The following FAN1 variants were observed in gnomAD, a reference collection of about 807,000 sequenced individuals.
FAN1 encodes the protein FANCD2 and FANCI associated nuclease 1.
Under a neutral mutation model 104.9 loss-of-function variants are expected in FAN1, and 91 were observed. The ratio of observed to expected loss-of-function variants is 0.87; its 90% CI spans 0.73 to 1.03. The LOEUF is 1.03. Ranked by LOEUF, FAN1 falls within the 50% of genes least tolerant of loss-of-function variation. The pLI is 0.00. For synonymous variants in FAN1, 478 were observed against 457.6 expected, an observed-to-expected ratio of 1.04 and a Z score of -0.57; for missense variants, 1,263 against 1,239.9, an observed-to-expected ratio of 1.02 and a Z score of -0.28.
chr15:30,929,321 C>G lies in FAN1; in HGVS notation c.2711C>G (p.Ala904Gly). Residue 904 changes from alanine to glycine, a missense_variant, in exon 12 of 15, where the codon GCC becomes GGC. By Grantham distance (60) the Ala-to-Gly change is moderately conservative. This residue lies in a region of FAN1 where 581 missense variants were observed against 668.8 expected (regional missense o/e 0.87). Transcript: ENST00000362065. ...GAGAGCCTGCGGGCCTGGGTGGCAGCCACGTGGCATGAGCAGGAAGGCAGA... is the reference window on the plus strand; with the variant it reads ...GAGAGCCTGCGGGCCTGGGTGGCAGGCACGTGGCATGAGCAGGAAGGCAGA... ...PEESLRAWVA[A>G]TWHEQEGRVA... 1 of 1,612,224 alleles carries G rather than the reference C, an allele frequency of 6.2e-7. No homozygotes were observed. The highest frequency in any genetic ancestry group is 8.5e-7 in the Non-Finnish European group (1 of 1,179,264).
intron 2 of FAN1, among the ~76,000 whole-genome samples, 184 bp from the exon 3 acceptor site, chr15:30,907,934 A>G (rs977537381): frequency 7.2e-5 from 11 of 152,238 alleles, no homozygotes; most frequent in Non-Finnish European, 1.6e-4. Flanking sequence ...TGATCTTAGA[A>G]GTTTTAAAAT....
chr15:30,939,080 CG>C, intron 14 of FAN1: 1 of 985,396 alleles, frequency 1.0e-6, no homozygotes, highest in Non-Finnish European at 1.2e-6. Context: ...TTAGTTTTCT[CG>C]GGAAATCAAG....
intron 3 of FAN1, among the ~76,000 whole-genome samples, chr15:30,910,302 C>T (rs1308680523): frequency 6.6e-6 from 1 of 152,142 alleles, no homozygotes; most frequent in Non-Finnish European, 1.5e-5. Flanking sequence ...ACGAGAAAGG[C>T]AGGGAGTATA....
intron 14 of FAN1, chr15:30,939,274 T>C: frequency 1.0e-6 from 1 of 985,476 alleles, no homozygotes; most frequent in Non-Finnish European, 1.2e-6. Flanking sequence ...TTACGTTCAA[T>C]ACTAGAAATT....
intron 10 of FAN1, 133 bp downstream of exon 10, chr15:30,926,072 G>A (rs187073598): frequency 6.0e-5 from 53 of 887,212 alleles, no homozygotes; most frequent in East Asian, 5.7e-4. Context: ...TGGGCTGGGG[G>A]ATGTCTTCCT....
chr15:30,933,039 T>G (rs918038334), intron 13 of FAN1, among the ~76,000 whole-genome samples: 2 of 152,128 alleles, frequency 1.3e-5, no homozygotes, highest in African/African-American at 2.4e-5. Flanking sequence ...TTACTGTATT[T>G]TAATATCTGT....
In FAN1 at chr15:30,908,399, T is replaced by C. The variant is rs148577234; in HGVS notation, c.1375+141T>C. ...TGTTTTTTAATTGAATTTTTAATCT[T>C]AGGACAACAAATTACTCATGTGATG... On this transcript the variant is annotated intron_variant, in intron 3 of 14. Coordinates refer to ENST00000362065, the MANE Select transcript of FAN1 (RefSeq NM_014967.5). 0.011 allele frequency: 7,376 copies of C among 642,084 alleles called. 58 individuals are homozygous for C. The highest frequency in any genetic ancestry group is 0.017 in the Middle Eastern group (67 of 3,940). 39.8% of individuals were successfully genotyped at this position (642,084 alleles called of 1,614,324 possible).
chr15:30,929,889 CAT>C lies in FAN1; in HGVS notation c.2787+498_2787+499del, dbSNP rs532314508. On this transcript the variant is annotated intron_variant, in intron 12 of 14. Transcript: ENST00000362065. ...TATATATAAAATATATAATATATAT[CAT>C]ATATAATATATAAAATATATAATAT... Among the ~76,000 whole-genome samples the C allele has an allele frequency of 6.2e-4, 43 of 68,824 alleles. 4 individuals are homozygous for C. The highest frequency in any genetic ancestry group is 0.015 in the Middle Eastern group (2 of 132). 45.2% of individuals were successfully genotyped at this position (68,824 alleles called of 152,430 possible).
intron 5 of FAN1, among the ~76,000 whole-genome samples, chr15:30,915,785 T>A (rs1044528944): frequency 5.3e-5 from 8 of 152,116 alleles, no homozygotes; most frequent in African/African-American, 1.9e-4. Flanking sequence ...AAAAGCAGGT[T>A]TTGATAAGAA....
At position 30,942,872 on chromosome 15, in the gene FAN1, T is replaced by A; in HGVS notation, c.*1310T>A. ...GTTACGTGTGAGCCAACATCACGTTTTGTTAGCTGTGATTTACCTTTGTCC... is the reference window on the plus strand; with the variant it reads ...GTTACGTGTGAGCCAACATCACGTTATGTTAGCTGTGATTTACCTTTGTCC... On this transcript the variant is annotated 3_prime_UTR_variant, in exon 15 of 15. Transcript: ENST00000362065. 1.3e-6 allele frequency: 2 copies of A among 1,548,674 alleles called. No homozygotes were observed. The highest frequency in any genetic ancestry group is 2.7e-5 in the African/African-American group (2 of 73,462).
chr15:30,915,054 A>C (rs1055892366), intron 5 of FAN1, among the ~76,000 whole-genome samples: 7 of 152,214 alleles, frequency 4.6e-5, no homozygotes, highest in African/African-American at 1.7e-4. Flanking sequence ...GAGTCAACCT[A>C]AGTGTCCATC....
At chr15:30,904,188 C>T (rs1160265547) in intron 1 of FAN1, among the ~76,000 whole-genome samples, 177 bp downstream of exon 1, 1 of 152,168 alleles carries the variant, frequency 6.6e-6, no homozygotes, top group Non-Finnish European at 1.5e-5. Context: ...ACGCGCTGAT[C>T]GTCTCCATCT....
At chr15:30,920,691 G>T in intron 7 of FAN1, 38 bp downstream of exon 7, 1 of 1,231,442 alleles carries the variant, frequency 8.1e-7, no homozygotes, top group Non-Finnish European at 1.2e-6. Context: ...CATTACTGAT[G>T]TGATGGCGTT....
At chr15:30,938,680 T>C (rs2062937890) in intron 14 of FAN1, among the ~76,000 whole-genome samples, 1 of 152,190 alleles carries the variant, frequency 6.6e-6, no homozygotes, top group Admixed American at 6.5e-5. Flanking sequence ...TGAAGCCTTC[T>C]TGGGGGAATA....
intron 4 of FAN1, chr15:30,911,423 G>A: frequency 1.0e-6 from 1 of 983,210 alleles, no homozygotes. Flanking sequence ...ACTTTAACAT[G>A]ATGTTGTTAT....
chr15:30,926,943 G>T, intron 10 of FAN1: 7 of 985,328 alleles, frequency 7.1e-6, no homozygotes, highest in Non-Finnish European at 8.4e-6. Context: ...AACCTCTTCT[G>T]GGAGGTGATT....
chr15:30,903,905 G>A (rs918218336), upstream of FAN1: 47 of 152,810 alleles, frequency 3.1e-4, no homozygotes, highest in South Asian at 2.1e-4. Flanking sequence ...GTGCGAGGTG[G>A]CCGCGCGGGG....
At chr15:30,941,089 A>G in intron 14 of FAN1, 1 of 1,222,090 alleles carries the variant, frequency 8.2e-7, no homozygotes, top group Non-Finnish European at 1.0e-6. Context: ...ATGCTCCTAA[A>G]AATGACACGA....
intron 12 of FAN1, among the ~76,000 whole-genome samples, chr15:30,929,739 T>TCATATAA (rs1566929839): frequency 1.8e-4 from 6 of 32,908 alleles, no homozygotes; most frequent in African/African-American, 9.0e-4. Context: ...ATATAATATA[T>TCATATAA]TATATCATAT....
Sources: gnomAD v4.1 joint callset for allele counts (sites outside exome capture counted in the v4.1 genomes callset) on GRCh38, gnomAD v4.1.1 for gene constraint, gnomAD v4.1.1 regional missense constraint, MANE v1.5 for transcripts, NCBI Gene and HGNC (gene_info 2026-07-23, HGNC 2026-07-21) for gene names.